The following RP9 variants were observed in gnomAD, a reference collection of about 807,000 sequenced individuals.
The protein encoded by RP9 is RP9 pre-mRNA splicing factor.
In RP9, 23 loss-of-function variants were observed where a neutral mutation model predicts 32.6. The observed-to-expected ratio is 0.71, with a 90% CI of 0.51 to 1.00. The LOEUF (loss-of-function observed/expected upper bound fraction) is 1.00, where lower values mean the gene tolerates loss of function less well. RP9 is among the 50% of genes least tolerant of loss of function. The pLI is 0.00. For synonymous variants in RP9, 94 were observed against 103.6 expected (o/e 0.91, Z 0.56); for missense variants, 245 against 285.3 (o/e 0.86, Z 1.02).
At chr7:33,105,298 G>T (rs77694814) in intron 1 of RP9, among the ~76,000 whole-genome samples, 3,204 of 152,190 alleles carry the variant, frequency 0.021, 112 homozygotes, top group African/African-American at 0.071. Context: ...TGAACTAAAT[G>T]AGATTAGAGA....
Position 33,109,198 on chromosome 7 carries a change from G to T in RP9, c.152+23C>A. 1 of 1,488,162 alleles carries T rather than the reference G, an allele frequency of 6.7e-7. No individual in the cohort carries two copies. 92.2% of individuals were successfully genotyped at this position (1,488,162 alleles called of 1,614,324 possible). ...CCTGGCTTCAGAAGACTGGCCGCGC[G>T]CGGACGGCAGCTCGGGACTCACAAG... On this transcript the variant is annotated intron_variant, in intron 1 of 5. Transcript: ENST00000297157. This position sits in a 1 kb window ranked among gnomAD's most constrained non-coding sequence, Gnocchi z 4.9.
chr7:33,102,373 G>A (rs1217058165), intron 1 of RP9, among the ~76,000 whole-genome samples: 2 of 152,154 alleles, frequency 1.3e-5, no homozygotes, highest in African/African-American at 2.4e-5. Context: ...GTGCAGTGGC[G>A]TGATCACAGC....
chr7:33,097,475 A>T, intron 3 of RP9, 113 bp from the exon 4 acceptor site: 2 of 760,376 alleles, frequency 2.6e-6, no homozygotes, highest in Non-Finnish European at 4.3e-6. Flanking sequence ...TCTAAAACAA[A>T]ATATAATTAT....
At chr7:33,104,694 C>T (rs1413395929) in intron 1 of RP9, among the ~76,000 whole-genome samples, 1 of 152,182 alleles carries the variant, frequency 6.6e-6, no homozygotes, top group East Asian at 1.9e-4. Context: ...TTTCCTCCTG[C>T]CTCAGCCTCT....
At chr7:33,096,462 GGGGATATT>G in intron 5 of RP9, 23 bp downstream of exon 5, 1 of 1,504,922 alleles carries the variant, frequency 6.6e-7, no homozygotes, top group Non-Finnish European at 9.3e-7. Context: ...AAAACTTTAA[GGGGATATT>G]GTTATCATCA....
At position 33,109,340 on chromosome 7, in the gene RP9, C is replaced by T; in HGVS notation, c.33G>A (p.Gly11=). The T allele has an allele frequency of 4.8e-6, 7 of 1,449,028 alleles. 1 individual carries two copies. Among genetic ancestry groups the T allele is most frequent in the Non-Finnish European group, 6.3e-6 (7 of 1,104,822 alleles). 89.8% of individuals were successfully genotyped at this position (1,449,028 alleles called of 1,614,324 possible). A position where few individuals can be genotyped will look rare whatever the true frequency, so the allele number is the denominator to read the frequency against. MSSRPGREDV[G]AAGARRPREP... ...CACGCGGCCGCCGCGCGCCCGCAGCCCCCACGTCCTCGCGCCCAGGCCGGG... is the reference window on the plus strand; with the variant it reads ...CACGCGGCCGCCGCGCGCCCGCAGCTCCCACGTCCTCGCGCCCAGGCCGGG... The change falls in exon 1 of 6, where the codon GGG becomes GGA. Residue 11 remains glycine (G), a synonymous_variant. Transcript: ENST00000297157. This position sits in a 1 kb window ranked among gnomAD's most constrained non-coding sequence, Gnocchi z 4.9.
At chr7:33,099,195 GC>G in intron 3 of RP9, 111 bp downstream of exon 3, 2 of 1,246,844 alleles carry the variant, frequency 1.6e-6, no homozygotes, top group Admixed American at 1.7e-5. Flanking sequence ...TGGAGAACGT[GC>G]CTTGGCTGTA....
chr7:33,100,833 T>C, intron 1 of RP9: 1 of 602,858 alleles, frequency 1.7e-6, no homozygotes, highest in Admixed American at 2.4e-5. Context: ...AGCACGCAAG[T>C]CTCCAGATGG....
chr7:33,097,624 G>T (rs1788357735), intron 3 of RP9, among the ~76,000 whole-genome samples: 1 of 152,060 alleles, frequency 6.6e-6, no homozygotes, highest in African/African-American at 2.4e-5. Context: ...TTCAAAAGGT[G>T]AATTTTTTTT....
chr7:33,106,667 T>G (rs374538661), intron 1 of RP9, among the ~76,000 whole-genome samples: 20 of 152,028 alleles, frequency 1.3e-4, no homozygotes, highest in African/African-American at 4.8e-4. Context: ...ATACAGTTGG[T>G]GGGCGCAGCG....
chr7:33,098,687 A>C (rs6948361), intron 3 of RP9, among the ~76,000 whole-genome samples: 1 of 151,968 alleles, frequency 6.6e-6, no homozygotes, highest in Admixed American at 6.5e-5. Flanking sequence ...TTTAACAAAT[A>C]ATCAAGGCAA....
intron 5 of RP9, 145 bp from the exon 6 acceptor site, chr7:33,095,577 C>A: frequency 1.4e-6 from 2 of 1,400,010 alleles, no homozygotes; most frequent in Non-Finnish European, 1.9e-6. Flanking sequence ...CCTGTTTTCT[C>A]ATTCTTCTCC....
Position 33,109,183 on chromosome 7 carries a change from G to T in RP9, c.152+38C>A, listed in dbSNP as rs868393609. On this transcript the variant is annotated intron_variant, in intron 1 of 5. Coordinates refer to ENST00000297157, the MANE Select transcript of RP9 (RefSeq NM_203288.2). This position sits in a 1 kb window ranked among gnomAD's most constrained non-coding sequence, Gnocchi z 4.9. ...CCCGCGCCCCGGGCCCCTGGCTTCA[G>T]AAGACTGGCCGCGCGCGGACGGCAG... is the stretch of plus-strand genomic sequence containing the variant. 18 of 1,482,340 alleles carry T rather than the reference G, an allele frequency of 1.2e-5. No homozygotes were observed. Among genetic ancestry groups the T allele is most frequent in the Admixed American group, 2.2e-5 (1 of 45,638 alleles). The allele number at this position is 1,482,340 out of a possible 1,614,324, so 91.8% of individuals were successfully genotyped here. A position where few individuals can be genotyped will look rare whatever the true frequency, so the allele number is the denominator to read the frequency against.
At chr7:33,103,425 C>G (rs1401065850) in intron 1 of RP9, among the ~76,000 whole-genome samples, 1 of 152,202 alleles carries the variant, frequency 6.6e-6, no homozygotes, top group Non-Finnish European at 1.5e-5. Flanking sequence ...CATGAGCGCC[C>G]TATCATGAAG....
chr7:33,104,563 C>T (rs549296993), intron 1 of RP9, among the ~76,000 whole-genome samples: 2 of 151,836 alleles, frequency 1.3e-5, no homozygotes, highest in African/African-American at 4.8e-5. Flanking sequence ...GTGAGGTGAA[C>T]TTGAACAGGT....
intron 3 of RP9, 156 bp downstream of exon 3, chr7:33,099,151 G>C (rs1389249796): frequency 1.1e-5 from 9 of 821,152 alleles, no homozygotes; most frequent in African/African-American, 1.7e-5. Context: ...GCACGGTGGT[G>C]GGGGGTGGGG....
intron 1 of RP9, among the ~76,000 whole-genome samples, chr7:33,105,002 C>G (rs533253135): frequency 6.6e-6 from 1 of 152,260 alleles, no homozygotes; most frequent in African/African-American, 2.4e-5. Flanking sequence ...TGCACTCTTT[C>G]ATAGGAAGTT....
Position 33,097,830 on chromosome 7 carries a change from G to C in RP9, c.314-468C>G, listed in dbSNP as rs1788362723. On this transcript the variant is annotated intron_variant, in intron 3 of 5. Coordinates refer to ENST00000297157, the MANE Select transcript of RP9 (RefSeq NM_203288.2). Reference sequence around the variant, plus strand: ...AGATGGGGTTTTGCCATGTTGCCCAGGCTGGTCTTCAACTCCTGACCTCAG... The same window carrying C: ...AGATGGGGTTTTGCCATGTTGCCCACGCTGGTCTTCAACTCCTGACCTCAG... 2.0e-5 allele frequency among the ~76,000 whole-genome samples: 3 copies of C among 152,064 alleles called. No homozygotes were observed. The South Asian group carries it at 6.2e-4, about 32-fold the overall frequency.
At chr7:33,100,407 G>T in intron 2 of RP9, 124 bp downstream of exon 2, 2 of 866,180 alleles carry the variant, frequency 2.3e-6, no homozygotes, top group Non-Finnish European at 3.9e-6. Flanking sequence ...TCATTCATCT[G>T]CAGGAAAAGA....
Sources: allele counts gnomAD v4.1 joint callset (sites outside exome capture counted in the v4.1 genomes callset), GRCh38; gene constraint gnomAD v4.1.1; non-coding constraint Gnocchi (gnomAD v3.1); transcripts MANE v1.5; gene names NCBI Gene and HGNC (gene_info 2026-07-23, HGNC 2026-07-21).